GRID1: variants seen among roughly 807,000 people sequenced by gnomAD.
The protein encoded by GRID1 is glutamate ionotropic receptor delta type subunit 1.
In GRID1, 28 loss-of-function variants were observed where a neutral mutation model predicts 98.0. That is an observed-to-expected ratio of 0.29 (90% CI 0.21 to 0.39). The LOEUF is 0.39. Among genes scored for constraint, GRID1 ranks in the 10% least tolerant of loss-of-function variants. GRID1 has a pLI of 1.00. For missense variants in GRID1, 1,111 were observed against 1,340.5 expected, an observed-to-expected ratio of 0.83 and a Z score of 2.67; for synonymous variants, 553 against 538.5, an observed-to-expected ratio of 1.03 and a Z score of -0.37.
At chr10:85,907,290 C>G (rs1472856352) in intron 5 of GRID1, among the ~76,000 whole-genome samples, 1 of 152,014 alleles carries the variant, frequency 6.6e-6, no homozygotes, top group Non-Finnish European at 1.5e-5. Flanking sequence ...TTTTGCATTT[C>G]TAGTAGAGAT....
intron 5 of GRID1, among the ~76,000 whole-genome samples, chr10:85,911,483 C>T (rs1841537484): frequency 6.6e-6 from 1 of 152,136 alleles, no homozygotes; most frequent in Non-Finnish European, 1.5e-5. Context: ...GACTATACCT[C>T]CTCCCTTTTT....
intron 5 of GRID1, among the ~76,000 whole-genome samples, chr10:85,875,029 C>T (rs989955404): frequency 6.6e-6 from 1 of 152,002 alleles, no homozygotes; most frequent in Non-Finnish European, 1.5e-5. Context: ...CTACGCCTGG[C>T]TATTTTTATT....
intron 4 of GRID1, among the ~76,000 whole-genome samples, chr10:85,983,457 A>T (rs971812518): frequency 8.5e-5 from 13 of 152,198 alleles, no homozygotes; most frequent in African/African-American, 3.1e-4. Context: ...ACAGTGCTGC[A>T]CAATCCCGGA....
chr10:85,860,791 T>C (rs1323716223), intron 6 of GRID1, among the ~76,000 whole-genome samples: 1 of 152,122 alleles, frequency 6.6e-6, no homozygotes, highest in African/African-American at 2.4e-5. Context: ...GTGAAGTAGA[T>C]CTCCACTAGC....
chr10:86,141,791 T>C (rs1389954013), intron 3 of GRID1, among the ~76,000 whole-genome samples: 1 of 152,248 alleles, frequency 6.6e-6, no homozygotes, highest in Non-Finnish European at 1.5e-5. Flanking sequence ...AGATGGATCA[T>C]CACAGAAAGT....
chr10:85,946,931 G>A (rs1045058578), intron 4 of GRID1, among the ~76,000 whole-genome samples: 7 of 152,270 alleles, frequency 4.6e-5, no homozygotes, highest in East Asian at 1.9e-4. Context: ...CTCACAATGC[G>A]GAAATGTGGA....
intron 2 of GRID1, among the ~76,000 whole-genome samples, chr10:86,317,309 C>T (rs1847913423): frequency 6.6e-6 from 1 of 152,200 alleles, no homozygotes; most frequent in African/African-American, 2.4e-5. Context: ...TCCACAAGCC[C>T]CCTTCCCCAC....
chr10:86,335,358 T>G (rs532073501), intron 2 of GRID1, among the ~76,000 whole-genome samples: 94 of 152,376 alleles, frequency 6.2e-4, no homozygotes, highest in African/African-American at 2.1e-3. Context: ...TAATAGGTGC[T>G]CTGCCAAATA....
chr10:85,809,855 A>G (rs1842654634), intron 8 of GRID1, among the ~76,000 whole-genome samples: 1 of 152,192 alleles, frequency 6.6e-6, no homozygotes, highest in Non-Finnish European at 1.5e-5. Flanking sequence ...GACCTGCAGC[A>G]GCCCTCACTG....
intron 8 of GRID1, among the ~76,000 whole-genome samples, chr10:85,823,795 GAAGA>G (rs1297410723): frequency 1.3e-5 from 2 of 152,106 alleles, no homozygotes; most frequent in Non-Finnish European, 2.9e-5. Flanking sequence ...ATGGAATCAA[GAAGA>G]AAGTAGAATA....
At position 86,137,025 on chromosome 10, in the gene GRID1, A is replaced by G. The variant is rs552895222; in HGVS notation, c.726+1794T>C. ...AAGTGGCCACCCCAGAGCCTTCCCC[A>G]TTCCCATCACACCCAGCAATGCAAG... On this transcript the variant is annotated intron_variant, in intron 4 of 15. Transcript: ENST00000327946. 2.0e-5 allele frequency among the ~76,000 whole-genome samples: 3 copies of G among 152,110 alleles called. No homozygotes were observed. In the East Asian group the frequency reaches 5.8e-4, roughly 29 times the overall value.
At chr10:85,826,275 C>A (rs1005602746) in intron 8 of GRID1, among the ~76,000 whole-genome samples, 5 of 152,164 alleles carry the variant, frequency 3.3e-5, no homozygotes, top group African/African-American at 1.2e-4. Flanking sequence ...GCGAAGGTTG[C>A]GGTGAGCCGA....
At chr10:85,603,256 GC>G (rs1357404798) in intron 15 of GRID1, among the ~76,000 whole-genome samples, 2 of 152,240 alleles carry the variant, frequency 1.3e-5, no homozygotes, top group Admixed American at 6.5e-5. Flanking sequence ...GAGAAGCCCT[GC>G]CTCACCCAGT....
At position 85,865,942 on chromosome 10, in the gene GRID1, T is replaced by TATATATATATATATATAC. The variant is rs1199144734; in HGVS notation, c.951+3067_951+3068insGTATATATATATATATAT. Among the ~76,000 whole-genome samples the TATATATATATATATATAC allele has an allele frequency of 3.7e-3, 351 of 94,868 alleles. 8 individuals carry two copies. Among genetic ancestry groups the TATATATATATATATATAC allele is most frequent in the African/African-American group, 0.013 (329 of 25,032 alleles). 62.2% of individuals were successfully genotyped at this position (94,868 alleles called of 152,430 possible). ...ATATATATATATATATATATATATA[T>TATATATATATATATATAC]ACACATATATATGGAGAGAGAGAGA... On this transcript the variant is annotated intron_variant, in intron 6 of 15. Coordinates refer to ENST00000327946, the MANE Select transcript of GRID1 (RefSeq NM_017551.3).
rs1168257507 is a variant in GRID1, at chr10:85,945,579, C to G, written c.727-29340G>C. ...AGTTGACTAATACATTTCCATCTTC[C>G]CAGATACTTCAAACACACTAAAATT... On this transcript the variant is annotated intron_variant, in intron 4 of 15. Transcript: ENST00000327946. Among the ~76,000 whole-genome samples, 4 of 152,262 alleles carry G rather than the reference C, an allele frequency of 2.6e-5. No homozygotes were observed. The East Asian group carries it at 5.8e-4, about 22-fold the overall frequency.
intron 8 of GRID1, among the ~76,000 whole-genome samples, chr10:85,800,344 C>A (rs12242914): frequency 1.5e-3 from 235 of 152,080 alleles, no homozygotes; most frequent in African/African-American, 5.1e-3. Context: ...AGTCCCGAAA[C>A]TGGATTACAT....
chr10:85,777,588 C>A (rs12357929), intron 8 of GRID1, among the ~76,000 whole-genome samples: 1 of 152,152 alleles, frequency 6.6e-6, no homozygotes, highest in East Asian at 1.9e-4. Context: ...AAGTTCTCAT[C>A]ATGTGTCTTC....
intron 12 of GRID1, among the ~76,000 whole-genome samples, chr10:85,711,102 T>C (rs1410543456): frequency 1.3e-5 from 2 of 152,038 alleles, no homozygotes; most frequent in Admixed American, 6.5e-5. Context: ...GATTACCATA[T>C]GATCCAGCAA....
intron 2 of GRID1, among the ~76,000 whole-genome samples, chr10:86,358,894 A>C (rs1290839832): frequency 1.3e-5 from 2 of 151,964 alleles, no homozygotes; most frequent in Non-Finnish European, 2.9e-5. Context: ...CCAGGTCAGC[A>C]TGAGAGGATG....
Sources: gnomAD v4.1 joint callset for allele counts (sites outside exome capture counted in the v4.1 genomes callset) on GRCh38, gnomAD v4.1.1 for gene constraint, MANE v1.5 for transcripts, NCBI Gene and HGNC (gene_info 2026-07-23, HGNC 2026-07-21) for gene names.